Variants in FUT8 observed in about 807,000 individuals in gnomAD.
FUT8 encodes the protein fucosyltransferase 8.
Under a neutral mutation model 71.3 loss-of-function variants are expected in FUT8, and 29 were observed. The ratio of observed to expected loss-of-function variants is 0.41; its 90% CI spans 0.30 to 0.55. The LOEUF (loss-of-function observed/expected upper bound fraction) is 0.55, where lower values mean the gene tolerates loss of function less well. Among genes scored for constraint, FUT8 ranks in the 20% least tolerant of loss-of-function variants. The pLI is 0.34. For synonymous variants in FUT8, 254 were observed against 239.3 expected (o/e 1.06, Z -0.57); for missense variants, 544 against 702.1 (o/e 0.77, Z 2.55).
At chr14:65,451,468 G>A (rs886980393) in intron 1 of FUT8, among the ~76,000 whole-genome samples, 2 of 152,244 alleles carry the variant, frequency 1.3e-5, no homozygotes, top group South Asian at 2.1e-4. Flanking sequence ...TCCGCTGTCC[G>A]TGGACAGCTT....
At chr14:65,504,256 G>A (rs2066691106) in intron 2 of FUT8, among the ~76,000 whole-genome samples, 1 of 152,116 alleles carries the variant, frequency 6.6e-6, no homozygotes, top group South Asian at 2.1e-4. Flanking sequence ...TGGTGATCAG[G>A]AATTGTTTAA....
intron 6 of FUT8, among the ~76,000 whole-genome samples, chr14:65,631,331 C>A (rs951565975): frequency 6.6e-6 from 1 of 152,106 alleles, no homozygotes; most frequent in Non-Finnish European, 1.5e-5. Flanking sequence ...GATAGTTCAG[C>A]TACCTAAACT....
upstream of FUT8, among the ~76,000 whole-genome samples, chr14:65,408,830 G>A (rs1026084893): frequency 1.3e-5 from 2 of 152,128 alleles, no homozygotes; most frequent in African/African-American, 4.8e-5. Flanking sequence ...GCTCAAAAGT[G>A]ACTTAAAACA....
chr14:65,411,973 G>A (rs766689461), upstream of FUT8: 4 of 455,106 alleles, frequency 8.8e-6, no homozygotes, highest in South Asian at 1.6e-5. Context: ...CGGGCGCCGG[G>A]AATTTTCCGA....
At chr14:65,584,307 T>C (rs1887257888) in intron 3 of FUT8, among the ~76,000 whole-genome samples, 1 of 151,864 alleles carries the variant, frequency 6.6e-6, no homozygotes, top group Admixed American at 6.6e-5. Context: ...GACCCCTGAG[T>C]AGCTGGGATT....
chr14:65,661,802 A>G (rs1002180280), intron 6 of FUT8, among the ~76,000 whole-genome samples: 1 of 152,200 alleles, frequency 6.6e-6, no homozygotes, highest in African/African-American at 2.4e-5. Flanking sequence ...TTGATTGAAA[A>G]TTGTTCTTTT....
chr14:65,516,962 A>G (rs2139844373), intron 2 of FUT8, among the ~76,000 whole-genome samples: 1 of 150,974 alleles, frequency 6.6e-6, no homozygotes, highest in East Asian at 1.9e-4. Context: ...GTGGAACCAC[A>G]CAAAATATGT....
intron 2 of FUT8, among the ~76,000 whole-genome samples, chr14:65,505,306 GTTTTTTTTTT>G (rs1001286768): frequency 2.1e-5 from 2 of 95,772 alleles, no homozygotes; most frequent in East Asian, 3.4e-4. Flanking sequence ...CTACATTTCA[GTTTTTTTTTT>G]TTTTTTTTTT....
chr14:65,644,104 A>C (rs1020537096), intron 6 of FUT8, among the ~76,000 whole-genome samples: 1 of 152,180 alleles, frequency 6.6e-6, no homozygotes, highest in Non-Finnish European at 1.5e-5. Context: ...TAGTGGTATG[A>C]GTTCCAGCGA....
At chr14:65,497,727 CTTAT>C (rs2139752341) in intron 2 of FUT8, among the ~76,000 whole-genome samples, 1 of 151,858 alleles carries the variant, frequency 6.6e-6, no homozygotes, top group South Asian at 2.1e-4. Flanking sequence ...ATACAATTTA[CTTAT>C]TTGGAGTATT....
chr14:65,439,371 C>T (rs1218744774), intron 1 of FUT8, among the ~76,000 whole-genome samples: 1 of 152,144 alleles, frequency 6.6e-6, no homozygotes, highest in Admixed American at 6.5e-5. Context: ...ACAAGTCAGT[C>T]TTCCTCAGAG....
At chr14:65,525,086 T>G (rs1330295352) in intron 2 of FUT8, among the ~76,000 whole-genome samples, 1 of 152,176 alleles carries the variant, frequency 6.6e-6, no homozygotes, top group African/African-American at 2.4e-5. Flanking sequence ...ATAAAATGAG[T>G]TAGGGAGGAT....
chr14:65,478,423 AAC>A (rs1260092250), intron 2 of FUT8, among the ~76,000 whole-genome samples: 3 of 152,194 alleles, frequency 2.0e-5, no homozygotes, highest in African/African-American at 7.2e-5. Flanking sequence ...TGGTAAGTAT[AAC>A]ACAAATATCC....
intron 1 of FUT8, among the ~76,000 whole-genome samples, chr14:65,433,193 A>C (rs1042170094): frequency 6.6e-6 from 1 of 152,068 alleles, no homozygotes; most frequent in Non-Finnish European, 1.5e-5. Flanking sequence ...TATCTCATTC[A>C]TCTGCTTTTT....
intron 2 of FUT8, among the ~76,000 whole-genome samples, chr14:65,512,898 ACT>A (rs1255666396): frequency 8.1e-6 from 1 of 123,532 alleles, no homozygotes; most frequent in African/African-American, 3.6e-5. Flanking sequence ...ACAGAGTGAG[ACT>A]CTGTCTCAAA....
intron 2 of FUT8, among the ~76,000 whole-genome samples, chr14:65,554,351 A>G (rs1028411435): frequency 6.7e-6 from 1 of 148,742 alleles, no homozygotes; most frequent in African/African-American, 2.5e-5. Flanking sequence ...TATCTGATTC[A>G]TTTAGAAGTC....
At position 65,645,087 on chromosome 14, in the gene FUT8, G is replaced by A. The variant is rs140053241; in HGVS notation, c.597+15481G>A. On this transcript the variant is annotated intron_variant, in intron 6 of 10. Transcript: ENST00000673929. ...AAAAAGCCACCTTGGCTGAAATTAC[G>A]TGCCTTGGAGTACTCAAAATTTTCA... 1.0e-3 allele frequency among the ~76,000 whole-genome samples: 158 copies of A among 152,296 alleles called. 1 individual carries two copies. The highest frequency in any genetic ancestry group is 3.6e-3 in the African/African-American group (150 of 41,554).
At chr14:65,541,516 G>A (rs1884678392) in intron 2 of FUT8, among the ~76,000 whole-genome samples, 1 of 152,186 alleles carries the variant, frequency 6.6e-6, no homozygotes, top group African/African-American at 2.4e-5. Context: ...AGTAGCTCTG[G>A]TATTTGAGAG....
chr14:65,714,546 G>A (rs1419959597), intron 7 of FUT8, among the ~76,000 whole-genome samples: 1 of 151,858 alleles, frequency 6.6e-6, no homozygotes, highest in Non-Finnish European at 1.5e-5. Context: ...GCCTTCCAAA[G>A]TGTTAGGATT....
Sources: allele counts gnomAD v4.1 joint callset (sites outside exome capture counted in the v4.1 genomes callset), GRCh38; gene constraint gnomAD v4.1.1; transcripts MANE v1.5; gene names NCBI Gene and HGNC (gene_info 2026-07-23, HGNC 2026-07-21).